The following ACTR10 variants were observed in gnomAD, a reference collection of about 807,000 sequenced individuals.
ACTR10 encodes actin related protein 10.
Under a neutral mutation model 56.2 loss-of-function variants are expected in ACTR10, and 43 were observed. The ratio of observed to expected loss-of-function variants is 0.77; its 90% confidence interval spans 0.60 to 0.99. The LOEUF (loss-of-function observed/expected upper bound fraction) is 0.99. Among genes scored for constraint, ACTR10 ranks in the 50% least tolerant of loss-of-function variants. The pLI is 0.00. For missense variants in ACTR10, 466 were observed against 507.8 expected, an observed-to-expected ratio of 0.92 and a Z score of 0.79; for synonymous variants, 170 against 176.3, an observed-to-expected ratio of 0.96 and a Z score of 0.28.
At chr14:58,230,349 A>G (rs1024662355) in intron 10 of ACTR10, 50 bp from the exon 11 acceptor site, 15 of 1,059,094 alleles carry the variant, frequency 1.4e-5, no homozygotes, top group Non-Finnish European at 2.1e-5. Flanking sequence ...TCTGTGTAAT[A>G]TTATAATACG....
chr14:58,219,887 C>CT (rs902857750), intron 8 of ACTR10, among the ~76,000 whole-genome samples, 158 bp downstream of exon 8: 3 of 151,808 alleles, frequency 2.0e-5, no homozygotes, highest in African/African-American at 4.8e-5. Context: ...ACAAATTCCA[C>CT]TTTTTTTTCA....
chr14:58,215,417 A>G, intron 7 of ACTR10, 133 bp downstream of exon 7: 1 of 522,874 alleles, frequency 1.9e-6, no homozygotes, highest in Non-Finnish European at 3.4e-6. Context: ...TGCTTCAACT[A>G]TAAGCTCACC....
intron 2 of ACTR10, 143 bp from the exon 3 acceptor site, chr14:58,207,793 A>T: frequency 2.4e-6 from 1 of 410,528 alleles, no homozygotes; most frequent in Non-Finnish European, 3.9e-6. Context: ...TTAAGAGATT[A>T]CTCTGTATTT....
At chr14:58,200,331 G>T in intron 1 of ACTR10, 37 bp downstream of exon 1, 1 of 1,459,798 alleles carries the variant, frequency 6.9e-7, no homozygotes, top group Non-Finnish European at 9.1e-7. Context: ...TCGACCCGAG[G>T]GGAGGGCGGG....
At chr14:58,217,419 G>A (rs957899685) in intron 7 of ACTR10, among the ~76,000 whole-genome samples, 1 of 152,070 alleles carries the variant, frequency 6.6e-6, no homozygotes, top group African/African-American at 2.4e-5. Context: ...TGTAATCCCA[G>A]CACTTTGGGA....
At chr14:58,204,177 C>T (rs1038155291) in intron 2 of ACTR10, among the ~76,000 whole-genome samples, 3 of 149,810 alleles carry the variant, frequency 2.0e-5, no homozygotes, top group South Asian at 2.1e-4. Flanking sequence ...GTCAGGAGAT[C>T]GAGACCATCC....
Position 58,203,302 on chromosome 14 carries a change from CAAA to C in ACTR10, c.150+392_150+394del, listed in dbSNP as rs11384472. ...GGGGGGCAAGAGCAAGACTTCGTCT[CAAA>C]AAAAAAAAAAAAAAAAGAAACAAGA... On this transcript the variant is annotated intron_variant, in intron 2 of 12. Transcript: ENST00000254286. Among the ~76,000 whole-genome samples the C allele has an allele frequency of 2.8e-5, 3 of 105,464 alleles. No individual in the cohort carries two copies. In the Admixed American group the frequency reaches 3.3e-4, roughly 12 times the overall value. 69.2% of individuals were successfully genotyped at this position (105,464 alleles called of 152,430 possible). A position where few individuals can be genotyped will look rare whatever the true frequency, so the allele number is the denominator to read the frequency against.
chr14:58,222,904 G>C, intron 8 of ACTR10, among the ~76,000 whole-genome samples: 1 of 151,944 alleles, frequency 6.6e-6, no homozygotes, highest in African/African-American at 2.4e-5. Flanking sequence ...CAGACAGAGA[G>C]AGGGAGAAAG....
intron 4 of ACTR10, among the ~76,000 whole-genome samples, chr14:58,210,758 T>G (rs1256630068): frequency 6.6e-6 from 1 of 150,544 alleles, no homozygotes; most frequent in Admixed American, 6.7e-5. Context: ...CACTGCAACC[T>G]CCGCCTCCTG....
Position 58,223,710 on chromosome 14 carries a change from A to G in ACTR10, c.714+9A>G. The G allele has an allele frequency of 2.2e-6, 1 of 464,614 alleles. No individual in the cohort carries two copies. The highest frequency in any genetic ancestry group is 3.0e-6 in the Non-Finnish European group (1 of 331,322). The allele number at this position is 464,614 out of a possible 1,614,324, so 28.8% of individuals were successfully genotyped here. On this transcript the variant is annotated intron_variant, in intron 9 of 12. Transcript: ENST00000254286. ...TTGATGGGAATAATGAGGTAAGTTT[A>G]AAAAAAAAAAAGGCATCTTTTTGCA...
chr14:58,233,065 G>A (rs1190607006), intron 12 of ACTR10, among the ~76,000 whole-genome samples: 1 of 151,594 alleles, frequency 6.6e-6, no homozygotes, highest in Admixed American at 6.6e-5. Context: ...TAGAGACAGG[G>A]TTTCTCCATG....
chr14:58,210,512 A>C (rs1888967338), intron 4 of ACTR10, among the ~76,000 whole-genome samples: 1 of 152,152 alleles, frequency 6.6e-6, no homozygotes, highest in African/African-American at 2.4e-5. Flanking sequence ...AAAAATAAAA[A>C]TTTAAATAAA....
intron 2 of ACTR10, among the ~76,000 whole-genome samples, chr14:58,203,376 T>C (rs904080948): frequency 9.3e-5 from 14 of 150,702 alleles, no homozygotes; most frequent in African/African-American, 3.4e-4. Context: ...CAAGGAAAAG[T>C]TTTTCTTTTT....
intron 5 of ACTR10, among the ~76,000 whole-genome samples, chr14:58,211,981 A>T (rs796987075): frequency 0.014 from 2,018 of 141,656 alleles, 49 homozygotes; most frequent in African/African-American, 0.048. Context: ...CTTTTTTTTT[A>T]TTTTTTAAAT....
chr14:58,225,515 A>G (rs79224182), intron 10 of ACTR10, among the ~76,000 whole-genome samples: 9,755 of 152,254 alleles, frequency 0.064, 517 homozygotes, highest in East Asian at 0.23. Context: ...AGTTAAAGGC[A>G]GTAGGACAGG....
chr14:58,200,283 G>A lies in ACTR10; in HGVS notation c.66G>A (p.Glu22=), dbSNP rs1888673893. 2 of 1,507,448 alleles carry A rather than the reference G, an allele frequency of 1.3e-6. No homozygotes were observed. Among genetic ancestry groups the A allele is most frequent in the African/African-American group, 1.5e-5 (1 of 68,584 alleles). The allele number at this position is 1,507,448 out of a possible 1,614,324, so 93.4% of individuals were successfully genotyped here. A position where few individuals can be genotyped will look rare whatever the true frequency, so the allele number is the denominator to read the frequency against. The change falls in exon 1 of 13, where the codon GAG becomes GAA. Residue 22 remains glutamate (E), a synonymous_variant. Transcript: ENST00000254286. ...EKTAVVIDLG[E]AFTKCGFAGE... ...CGGCGGTCGTGATCGACCTGGGAGA[G>A]GCCTTTACCAAGTGAGTGGCCGTGA... is the stretch of plus-strand genomic sequence containing the variant.
At chr14:58,225,934 A>G (rs1889386088) in intron 10 of ACTR10, among the ~76,000 whole-genome samples, 1 of 151,978 alleles carries the variant, frequency 6.6e-6, no homozygotes, top group South Asian at 2.1e-4. Flanking sequence ...CTGGTCTCGA[A>G]CTCCTGACCT....
intron 2 of ACTR10, 113 bp downstream of exon 2, chr14:58,203,040 G>A (rs543982814): frequency 1.0e-4 from 69 of 673,636 alleles, no homozygotes; most frequent in African/African-American, 7.9e-4. Flanking sequence ...GGTGGCTCAC[G>A]CCTGTAATCC....
chr14:58,219,100 G>A (rs1360362097), intron 7 of ACTR10, among the ~76,000 whole-genome samples: 10 of 152,150 alleles, frequency 6.6e-5, no homozygotes, highest in South Asian at 6.2e-4. Context: ...GATTACAGGC[G>A]TGAGCCACTG....
Sources: gnomAD v4.1 joint callset for allele counts (sites outside exome capture counted in the v4.1 genomes callset) on GRCh38, gnomAD v4.1.1 for gene constraint, MANE v1.5 for transcripts, NCBI Gene and HGNC (gene_info 2026-07-23, HGNC 2026-07-21) for gene names.